CDON: variants seen among roughly 807,000 people sequenced by gnomAD.
The protein encoded by CDON is cell adhesion molecule-related/down-regulated by oncogenes.
In CDON, 73 loss-of-function variants were observed where a neutral mutation model predicts 120.9. The ratio of observed to expected loss-of-function variants is 0.60; its 90% CI spans 0.50 to 0.73. CDON has a LOEUF of 0.73. CDON is among the 30% of genes least tolerant of loss of function. CDON has a pLI of 0.00. For missense variants in CDON, 1,470 were observed against 1,587.3 expected, an observed-to-expected ratio of 0.93 and a Z score of 1.26; for synonymous variants, 566 against 573.5, an observed-to-expected ratio of 0.99 and a Z score of 0.19.
At chr11:126,005,476 G>A in intron 9 of CDON, 1 of 428,772 alleles carries the variant, frequency 2.3e-6, no homozygotes, top group Non-Finnish European at 4.2e-6. Flanking sequence ...TGTTTTAAAA[G>A]TGGTTATAGA....
At chr11:125,966,297 C>T (rs975038659) in intron 18 of CDON, among the ~76,000 whole-genome samples, 2 of 152,120 alleles carry the variant, frequency 1.3e-5, no homozygotes. Context: ...GAACTAGAAT[C>T]TAATAATAAT....
At chr11:126,002,143 T>C (rs570125787) in intron 10 of CDON, among the ~76,000 whole-genome samples, 2 of 152,346 alleles carry the variant, frequency 1.3e-5, no homozygotes, top group South Asian at 4.1e-4. Context: ...GTGTTCAAAC[T>C]ATTAGTCCAT....
chr11:126,033,310 G>C (rs952508822), intron 1 of CDON, among the ~76,000 whole-genome samples: 4 of 152,032 alleles, frequency 2.6e-5, no homozygotes, highest in Non-Finnish European at 2.9e-5. Flanking sequence ...GGTAAGTGGG[G>C]TTCTAAGGAA....
chr11:126,003,846 T>TA, intron 10 of CDON, 56 bp downstream of exon 10: 1 of 1,474,548 alleles, frequency 6.8e-7, no homozygotes, highest in Non-Finnish European at 9.5e-7. Context: ...TAATTCTCAC[T>TA]AATAAATTGA....
At chr11:125,980,655 T>A (rs1293844445) in intron 17 of CDON, among the ~76,000 whole-genome samples, 1 of 152,214 alleles carries the variant, frequency 6.6e-6, no homozygotes, top group Admixed American at 6.5e-5. Flanking sequence ...TCGCCTCCAG[T>A]GCTACCATCT....
chr11:125,992,324 CTAAA>C (rs1342855067), intron 14 of CDON, among the ~76,000 whole-genome samples: 1 of 152,030 alleles, frequency 6.6e-6, no homozygotes, highest in Non-Finnish European at 1.5e-5. Context: ...TTGCACCAAC[CTAAA>C]TATTATCCTT....
chr11:125,959,501 G>T lies in CDON; in HGVS notation c.*1441C>A, dbSNP rs948016530. The T allele has an allele frequency of 6.6e-6, 1 of 151,976 alleles. No homozygotes were observed. The highest frequency in any genetic ancestry group is 1.9e-4 in the East Asian group (1 of 5,186). The allele number at this position is 151,976 out of a possible 1,614,324, so 9.4% of individuals were successfully genotyped here. On this transcript the variant is annotated 3_prime_UTR_variant, in exon 20 of 20. Coordinates refer to ENST00000531738, the MANE Select transcript of CDON (RefSeq NM_001378964.1). ...TCCTTGTCACGCAGAGGCAGCCGTG[G>T]TCAGGAGCTCTGCTGACCAACTTGG...
intron 1 of CDON, among the ~76,000 whole-genome samples, chr11:126,039,149 C>T (rs949031629): frequency 5.3e-5 from 8 of 152,088 alleles, no homozygotes; most frequent in African/African-American, 1.9e-4. Flanking sequence ...GATACTGAGG[C>T]ATCACAAAAA....
At chr11:126,000,052 C>A (rs1170204857) in intron 11 of CDON, among the ~76,000 whole-genome samples, 2 of 152,276 alleles carry the variant, frequency 1.3e-5, no homozygotes, top group South Asian at 2.1e-4. Context: ...TCTACTCACC[C>A]TTGTCTACAC....
At chr11:126,038,899 G>A (rs1313842714) in intron 1 of CDON, among the ~76,000 whole-genome samples, 1 of 152,072 alleles carries the variant, frequency 6.6e-6, no homozygotes, top group East Asian at 1.9e-4. Flanking sequence ...TACCTTCTTT[G>A]CTTGAACAGC....
At chr11:125,967,772 G>A (rs1376904800) in intron 18 of CDON, among the ~76,000 whole-genome samples, 2 of 152,168 alleles carry the variant, frequency 1.3e-5, no homozygotes, top group Non-Finnish European at 2.9e-5. Context: ...GAGCAGCTGA[G>A]GCTATGAGAA....
Position 126,005,816 on chromosome 11 carries a change from C to T in CDON, c.1794G>A (p.Trp598Ter). Residue 598 changes from tryptophan to a stop codon, truncating the protein, a stop_gained, in exon 9 of 20, where the codon TGG becomes TGA. Coordinates refer to ENST00000531738, the MANE Select transcript of CDON (RefSeq NM_001378964.1). LOFTEE classifies it high-confidence loss of function. ...GCAGCCCACCATCCTTGCCTGCCCTCCACACCAGGTTGTACGTGTCTGGTG... is the reference window on the plus strand; with the variant it reads ...GCAGCCCACCATCCTTGCCTGCCCTTCACACCAGGTTGTACGTGTCTGGTG... ...THTPDTYNLVWRAGKDGGLPI... is the reference protein window; with the variant it reads ...THTPDTYNLV 1 of 1,614,056 alleles carries T rather than the reference C, an allele frequency of 6.2e-7. No homozygotes were observed. Among genetic ancestry groups the T allele is most frequent in the South Asian group, 1.1e-5 (1 of 91,070 alleles).
At chr11:126,055,049 G>C (rs1948650855) in intron 1 of CDON, among the ~76,000 whole-genome samples, 1 of 152,116 alleles carries the variant, frequency 6.6e-6, no homozygotes, top group South Asian at 2.1e-4. Flanking sequence ...GGACTTTAAA[G>C]GATTTTAATG....
At chr11:125,965,964 G>A (rs1323722855) in intron 18 of CDON, among the ~76,000 whole-genome samples, 2 of 151,990 alleles carry the variant, frequency 1.3e-5, no homozygotes, top group Non-Finnish European at 2.9e-5. Flanking sequence ...GAGAAACCGC[G>A]TCTCTACTAA....
In CDON at chr11:125,967,718, C is replaced by T. The variant is rs116319536; in HGVS notation, c.3357-5720G>A. Among the ~76,000 whole-genome samples, 5 of 152,252 alleles carry T rather than the reference C, an allele frequency of 3.3e-5. No homozygotes were observed. In the South Asian group the frequency reaches 1.0e-3, roughly 32 times the overall value. On this transcript the variant is annotated intron_variant, in intron 18 of 19. Transcript: ENST00000531738. ...TGGGTACGATCATGGCTCACTGCAC[C>T]GTTGACCTCCCTGGCTCATGTGATC...
intron 15 of CDON, among the ~76,000 whole-genome samples, chr11:125,988,267 T>C (rs1429130743): frequency 6.6e-6 from 1 of 152,128 alleles, no homozygotes; most frequent in Non-Finnish European, 1.5e-5. Flanking sequence ...CGGTCAGATA[T>C]GATAACACTT....
chr11:126,019,925 TG>T lies in CDON; in HGVS notation c.350-161del, dbSNP rs3832750. The stretch of plus-strand genomic sequence containing the variant: ...TGATCTTTTCATCTCAGAAAGCAGC[TG>T]GGGCAAGCTACTCAGGAGGCTGAGG... On this transcript the variant is annotated intron_variant, in intron 3 of 19. Transcript: ENST00000531738. 0.15 allele frequency among the ~76,000 whole-genome samples: 22,906 copies of T among 152,028 alleles called. 2,249 individuals carry two copies. The highest frequency in any genetic ancestry group is 0.19 in the Non-Finnish European group (12,625 of 67,968).
chr11:125,981,434 A>G lies in CDON; in HGVS notation c.2996-105T>C, dbSNP rs957362031. ...CACATGCACATACGCACACACGCACACACGCACACAGTAAGACACTAAAAA... is the reference window on the plus strand; with the variant it reads ...CACATGCACATACGCACACACGCACGCACGCACACAGTAAGACACTAAAAA... On this transcript the variant is annotated intron_variant, in intron 16 of 19. Coordinates refer to ENST00000531738, the MANE Select transcript of CDON (RefSeq NM_001378964.1). 40 of 1,201,800 alleles carry G rather than the reference A, an allele frequency of 3.3e-5. 1 individual carries two copies. The highest frequency in any genetic ancestry group is 4.5e-5 in the African/African-American group (3 of 66,476). 74.4% of individuals were successfully genotyped at this position (1,201,800 alleles called of 1,614,324 possible). A position where few individuals can be genotyped will look rare whatever the true frequency, so the allele number is the denominator to read the frequency against.
chr11:125,996,161 AACACACACACACACACAC>A (rs35536827), intron 12 of CDON, among the ~76,000 whole-genome samples: 21 of 145,934 alleles, frequency 1.4e-4, no homozygotes, highest in African/African-American at 4.4e-4. Context: ...GTCACAGCAA[AACACACACACACACACAC>A]ACACACACAC....
Sources: gnomAD v4.1 joint callset for allele counts (sites outside exome capture counted in the v4.1 genomes callset) on GRCh38, gnomAD v4.1.1 for gene constraint, MANE v1.5 for transcripts, NCBI Gene and HGNC (gene_info 2026-07-23, HGNC 2026-07-21) for gene names.